HS2ST1: variants seen among roughly 807,000 people sequenced by gnomAD.
HS2ST1 encodes the protein 2-O-sulfotransferase.
Under a neutral mutation model 42.9 loss-of-function variants are expected in HS2ST1, and 18 were observed. That is an observed-to-expected ratio of 0.42 (90% CI 0.29 to 0.62). The LOEUF (loss-of-function observed/expected upper bound fraction) is 0.62, where lower values mean the gene tolerates loss of function less well. Among genes scored for constraint, HS2ST1 ranks in the 20% least tolerant of loss-of-function variants. The probability of loss-of-function intolerance (pLI) is 0.21; values close to 1 mark genes in which losing one functional copy is unlikely to be tolerated. For missense variants in HS2ST1, 334 were observed against 433.8 expected (o/e 0.77, Z 2.04); for synonymous variants, 146 against 152.9 (o/e 0.95, Z 0.33).
chr1:86,984,225 G>C (rs186084530), intron 1 of HS2ST1, among the ~76,000 whole-genome samples: 13 of 152,230 alleles, frequency 8.5e-5, no homozygotes, highest in Admixed American at 8.5e-4. Flanking sequence ...TGTATATTTG[G>C]AGTGAAAAAC....
At chr1:87,064,686 G>A (rs1651202601) in intron 1 of HS2ST1, among the ~76,000 whole-genome samples, 1 of 152,006 alleles carries the variant, frequency 6.6e-6, no homozygotes, top group African/African-American at 2.4e-5. Flanking sequence ...TTTGAGACAG[G>A]GGCTTGCTCT....
intron 4 of HS2ST1, among the ~76,000 whole-genome samples, chr1:87,096,605 T>A (rs1412534886): frequency 6.6e-6 from 1 of 152,204 alleles, no homozygotes; most frequent in Non-Finnish European, 1.5e-5. Context: ...GGCCAGATAA[T>A]TCTTTGTTGT....
intron 1 of HS2ST1, among the ~76,000 whole-genome samples, chr1:87,044,213 C>T (rs1650589212): frequency 6.6e-6 from 1 of 152,214 alleles, no homozygotes; most frequent in East Asian, 1.9e-4. Context: ...CATTACAGCT[C>T]TACCAGTTCT....
chr1:87,027,404 G>A (rs541107582), intron 1 of HS2ST1, among the ~76,000 whole-genome samples: 14 of 152,164 alleles, frequency 9.2e-5, no homozygotes, highest in Non-Finnish European at 1.9e-4. Context: ...ATAGAAAGGA[G>A]GAATGCATGA....
chr1:87,093,354 G>A (rs931258122), intron 4 of HS2ST1, among the ~76,000 whole-genome samples: 2 of 152,052 alleles, frequency 1.3e-5, no homozygotes, highest in Non-Finnish European at 2.9e-5. Flanking sequence ...TATTGCTTAA[G>A]TTATTAATGC....
intron 1 of HS2ST1, among the ~76,000 whole-genome samples, chr1:87,000,532 G>A (rs1649252283): frequency 2.0e-5 from 3 of 152,118 alleles, no homozygotes; most frequent in Admixed American, 2.0e-4. Flanking sequence ...AGTGGCGTCT[G>A]GCATCAGACT....
chr1:87,022,086 T>C (rs1018711859), intron 1 of HS2ST1, among the ~76,000 whole-genome samples: 2 of 152,186 alleles, frequency 1.3e-5, no homozygotes, highest in Admixed American at 6.6e-5. Flanking sequence ...ATTAGTAGAA[T>C]GGGTGAAGTC....
intron 1 of HS2ST1, among the ~76,000 whole-genome samples, chr1:86,944,953 T>C (rs1386050186): frequency 6.6e-6 from 1 of 152,046 alleles, no homozygotes; most frequent in Admixed American, 6.6e-5. Context: ...TTCATTCCTT[T>C]GGCCTATTTC....
intron 1 of HS2ST1, chr1:86,934,689 A>C (rs1660606745): frequency 6.6e-6 from 1 of 152,428 alleles, no homozygotes; most frequent in African/African-American, 2.4e-5. Context: ...GCACTTTGGG[A>C]GGCCGAGGTG....
intron 1 of HS2ST1, among the ~76,000 whole-genome samples, chr1:86,938,880 A>T (rs1660708909): frequency 6.6e-6 from 1 of 152,208 alleles, no homozygotes; most frequent in African/African-American, 2.4e-5. Flanking sequence ...ATTACGACAA[A>T]GTAAAAGTTA....
At chr1:87,070,171 A>G (rs768963130) in intron 1 of HS2ST1, among the ~76,000 whole-genome samples, 10 of 152,176 alleles carry the variant, frequency 6.6e-5, no homozygotes, top group Non-Finnish European at 1.3e-4. Context: ...CGCTTCTGTC[A>G]GCGCTTAAAT....
chr1:87,078,708 C>G (rs1651608352), intron 2 of HS2ST1, among the ~76,000 whole-genome samples: 1 of 152,190 alleles, frequency 6.6e-6, no homozygotes, highest in East Asian at 1.9e-4. Flanking sequence ...CAGTAAGAAT[C>G]CATAAAGTGA....
At chr1:87,047,765 A>T (rs1391866261) in intron 1 of HS2ST1, among the ~76,000 whole-genome samples, 1 of 152,136 alleles carries the variant, frequency 6.6e-6, no homozygotes, top group African/African-American at 2.4e-5. Context: ...TCATATTTGT[A>T]TAGTTATATT....
chr1:86,984,294 G>A (rs12047992), intron 1 of HS2ST1, among the ~76,000 whole-genome samples: 112,314 of 152,066 alleles, frequency 0.74, 42,798 homozygotes, highest in East Asian at 0.97. Flanking sequence ...GGATGTTTCC[G>A]TAGGATTCTG....
At chr1:86,996,178 C>T (rs1414419172) in intron 1 of HS2ST1, among the ~76,000 whole-genome samples, 1 of 152,086 alleles carries the variant, frequency 6.6e-6, no homozygotes, top group Non-Finnish European at 1.5e-5. Context: ...TACAGTGGCT[C>T]ATGCCTGTAA....
chr1:87,093,771 A>T (rs1197260639), intron 4 of HS2ST1, among the ~76,000 whole-genome samples: 1 of 152,106 alleles, frequency 6.6e-6, no homozygotes, highest in African/African-American at 2.4e-5. Context: ...GATACTTGGT[A>T]TGTTAATGAT....
chr1:86,970,066 G>A (rs1036518596), intron 1 of HS2ST1, among the ~76,000 whole-genome samples: 8 of 151,492 alleles, frequency 5.3e-5, no homozygotes, highest in East Asian at 3.9e-4. Context: ...CAGAGATCGC[G>A]GTGAGTCAAG....
intron 2 of HS2ST1, among the ~76,000 whole-genome samples, chr1:87,079,440 C>T (rs1055147733): frequency 2.0e-5 from 3 of 152,180 alleles, no homozygotes; most frequent in Non-Finnish European, 1.5e-5. Flanking sequence ...ACCTGGCCAA[C>T]ACTTTCAAAT....
At chr1:87,086,836 T>C (rs1651828750) in intron 3 of HS2ST1, among the ~76,000 whole-genome samples, 2 of 152,006 alleles carry the variant, frequency 1.3e-5, no homozygotes, top group Admixed American at 6.6e-5. Context: ...TTCTTCTTCC[T>C]TTCCATTTTT....
Sources: gnomAD v4.1 joint callset for allele counts (sites outside exome capture counted in the v4.1 genomes callset) on GRCh38, gnomAD v4.1.1 for gene constraint, MANE v1.5 for transcripts, NCBI Gene and HGNC (gene_info 2026-07-23, HGNC 2026-07-21) for gene names.